The following KLF5 variants were observed in gnomAD, a reference collection of about 807,000 sequenced individuals.
KLF5 encodes the protein Krueppel-like factor 5.
Under a neutral mutation model 36.9 loss-of-function variants are expected in KLF5, and 9 were observed. That is an observed-to-expected ratio of 0.24 (90% CI 0.15 to 0.43). The LOEUF (loss-of-function observed/expected upper bound fraction) is 0.43, where lower values mean the gene tolerates loss of function less well. KLF5 is among the 20% of genes least tolerant of loss of function. The pLI is 1.00. For synonymous variants in KLF5, 246 were observed against 241.7 expected, an observed-to-expected ratio of 1.02 and a Z score of -0.17; for missense variants, 524 against 599.5, an observed-to-expected ratio of 0.87 and a Z score of 1.31.
Position 73,062,572 on chromosome 13 carries a change from C to T in KLF5, c.973C>T (p.Pro325Ser). Residue 325 changes from proline (P) to serine (S), a missense_variant, in exon 2 of 4, where the codon CCT (proline) becomes TCT (serine). Around this residue, in one of 4 missense-constraint regions of KLF5, gnomAD observed 454 missense variants for 458.1 expected, o/e 0.99. Coordinates refer to ENST00000377687, the MANE Select transcript of KLF5 (RefSeq NM_001730.5). ...AGAGATGCTCCAGAATTTAACCCCA[C>T]CTCCATCCTATGCTGCTACAATTGC... ...QAEMLQNLTP[P>S]PSYAATIASK... 1 of 1,614,250 alleles carries T rather than the reference C, an allele frequency of 6.2e-7. No homozygotes were observed.
intron 1 of KLF5, chr13:73,060,789 C>A (rs1474782669): frequency 6.6e-6 from 1 of 152,028 alleles, no homozygotes; most frequent in Admixed American, 6.6e-5. Flanking sequence ...TTCGAAATTT[C>A]CTTTTCAGTG....
chr13:73,064,803 A>G (rs988147711), intron 3 of KLF5, among the ~76,000 whole-genome samples: 1 of 152,148 alleles, frequency 6.6e-6, no homozygotes, highest in Non-Finnish European at 1.5e-5. Context: ...CGGCCTCCCA[A>G]AGTGCTGGGA....
chr13:73,065,752 G>A (rs1355469209), intron 3 of KLF5, among the ~76,000 whole-genome samples: 1 of 152,144 alleles, frequency 6.6e-6, no homozygotes, highest in Non-Finnish European at 1.5e-5. Flanking sequence ...TGAGAGATAG[G>A]AGGGAACACA....
intron 3 of KLF5, 28 bp downstream of exon 3, chr13:73,063,911 A>G (rs1416233949): frequency 1.4e-6 from 2 of 1,424,740 alleles, no homozygotes; most frequent in Admixed American, 1.7e-5. Flanking sequence ...TAATTCTGTG[A>G]GTTGTGTAAA....
intron 1 of KLF5, 109 bp from the exon 2 acceptor site, chr13:73,061,752 C>G: frequency 5.1e-6 from 5 of 988,872 alleles, no homozygotes; most frequent in South Asian, 1.5e-5. Context: ...GGAGTTTGCC[C>G]TAGTACCTTA....
rs1345046956 is a variant in KLF5 at position 73,059,128 on chromosome 13, T to C, written c.-200T>C. The stretch of plus-strand genomic sequence containing the variant: ...GGAGAAAGTGGCCGCCCGGAGGACG[T>C]TGGCGTTTACGTGTGGAAGAGCGGA... On this transcript the variant is annotated 5_prime_UTR_variant, in exon 1 of 4. Coordinates refer to ENST00000377687, the MANE Select transcript of KLF5 (RefSeq NM_001730.5). 9 of 427,956 alleles carry C rather than the reference T, an allele frequency of 2.1e-5. No individual in the cohort carries two copies. The Admixed American group carries it at 4.1e-4, about 19-fold the overall frequency. The allele number at this position is 427,956 out of a possible 1,614,324, so 26.5% of individuals were successfully genotyped here.
chr13:73,055,987 C>T (rs959337058), upstream of KLF5, among the ~76,000 whole-genome samples: 5 of 152,110 alleles, frequency 3.3e-5, no homozygotes, highest in Admixed American at 6.6e-5. Flanking sequence ...TTCCTTTTGC[C>T]GTGTCGTTGT....
At position 73,062,076 on chromosome 13, in the gene KLF5, A is replaced by G; in HGVS notation, c.477A>G (p.Thr159=). The change falls in exon 2 of 4, where the codon ACA becomes ACG. Residue 159 remains threonine, a synonymous_variant. Transcript: ENST00000377687. ...ACAAATCCCAGAGACCGTGCGTAACACACATCAAGACAGAACCTGTTGCCA... is the reference window on the plus strand; with the variant it reads ...ACAAATCCCAGAGACCGTGCGTAACGCACATCAAGACAGAACCTGTTGCCA... ...GLYKSQRPCV[T]HIKTEPVAIF... The G allele has an allele frequency of 6.2e-7, 1 of 1,614,122 alleles. No homozygotes were observed. Among genetic ancestry groups the G allele is most frequent in the Non-Finnish European group, 8.5e-7 (1 of 1,180,040 alleles).
chr13:73,073,038 A>G lies in KLF5; in HGVS notation c.1196-2670A>G, dbSNP rs182036668. ...GTTGATGTTGAAAGAGCTTAACTAAATATTTTAAATTGGTGGTATTGGAAA... is the reference window on the plus strand; with the variant it reads ...GTTGATGTTGAAAGAGCTTAACTAAGTATTTTAAATTGGTGGTATTGGAAA... On this transcript the variant is annotated intron_variant, in intron 3 of 3. Coordinates refer to ENST00000377687, the MANE Select transcript of KLF5 (RefSeq NM_001730.5). Among the ~76,000 whole-genome samples the G allele has an allele frequency of 2.2e-3, 338 of 152,350 alleles. 1 individual carries two copies. Among genetic ancestry groups the G allele is most frequent in the Admixed American group, 4.1e-3 (63 of 15,306 alleles).
intron 3 of KLF5, among the ~76,000 whole-genome samples, chr13:73,065,625 C>G (rs879752590): frequency 1.3e-5 from 2 of 152,062 alleles, no homozygotes; most frequent in Non-Finnish European, 2.9e-5. Flanking sequence ...TTTCAAAATA[C>G]AAATGACAAG....
At chr13:73,059,812 T>C in intron 1 of KLF5, 2 of 843,062 alleles carry the variant, frequency 2.4e-6, no homozygotes, top group Non-Finnish European at 2.9e-6. Context: ...TGGAGGGGAA[T>C]CTGCCCCGGC....
chr13:73,061,625 T>G lies in KLF5; in HGVS notation c.262-236T>G, dbSNP rs568039006. ...TTTATTCTTGATTTGCGTCTTTCAC[T>G]TTTGGGGGTGATTGGGGGAGCAGTT... On this transcript the variant is annotated intron_variant, in intron 1 of 3. Transcript: ENST00000377687. Among the ~76,000 whole-genome samples the G allele has an allele frequency of 7.2e-5, 11 of 152,334 alleles. No homozygotes were observed. In the South Asian group the frequency reaches 2.1e-3, roughly 29 times the overall value.
chr13:73,064,625 C>T (rs1003879418), intron 3 of KLF5, among the ~76,000 whole-genome samples: 1 of 152,138 alleles, frequency 6.6e-6, no homozygotes, highest in Non-Finnish European at 1.5e-5. Context: ...TTCACTGCAA[C>T]CTCTGCCTCC....
chr13:73,062,502 C>G lies in KLF5; in HGVS notation c.903C>G (p.Pro301=), dbSNP rs1400618683. 6.2e-7 allele frequency: 1 copy of G among 1,614,148 alleles called. No individual in the cohort carries two copies. Among genetic ancestry groups the G allele is most frequent in the South Asian group, 1.1e-5 (1 of 91,086 alleles). ...QFLPQQATYF[P]PSPPSSEPGS... ...TTCCACAACAGGCCACTTACTTTCC[C>G]CCGTCACCACCAAGCTCAGAGCCTG... The change falls in exon 2 of 4, where the codon CCC becomes CCG. Residue 301 remains proline (P), a synonymous_variant. Transcript: ENST00000377687.
chr13:73,062,192 C>A lies in KLF5; in HGVS notation c.593C>A (p.Thr198Asn). Residue 198 changes from threonine to asparagine, a missense_variant, in exon 2 of 4, where the codon ACC becomes AAC. Thr to Asn is a moderately conservative substitution (Grantham distance 65). This residue lies in a region of KLF5 where 454 missense variants were observed against 458.1 expected (regional missense o/e 0.99). Transcript: ENST00000377687. The stretch of plus-strand genomic sequence containing the variant: ...ACCAGTATATTCAGCTCACACCAGA[C>A]CGCAGCTCCAGAGGTGAACAATATT... ...EFTSIFSSHQ[T>N]AAPEVNNIFI... 1 of 1,614,148 alleles carries A rather than the reference C, an allele frequency of 6.2e-7. No individual in the cohort carries two copies. Among genetic ancestry groups the A allele is most frequent in the Non-Finnish European group, 8.5e-7 (1 of 1,180,010 alleles).
intron 3 of KLF5, among the ~76,000 whole-genome samples, chr13:73,071,840 C>T (rs554519034): frequency 1.4e-4 from 21 of 152,208 alleles, no homozygotes; most frequent in Admixed American, 7.2e-4. Flanking sequence ...TTTAGGTTCG[C>T]AGAACAAGAT....
chr13:73,061,353 T>G (rs1252941484), intron 1 of KLF5, among the ~76,000 whole-genome samples: 1 of 152,214 alleles, frequency 6.6e-6, no homozygotes, highest in East Asian at 1.9e-4. Context: ...TATATTACTT[T>G]TGAAGTATCT....
In KLF5 at chr13:73,059,032, G is replaced by A. The variant is rs1238447131; in HGVS notation, c.-296G>A. 2.1e-5 allele frequency: 6 copies of A among 282,190 alleles called. No individual in the cohort carries two copies. The highest frequency in any genetic ancestry group is 4.0e-5 in the Non-Finnish European group (6 of 151,080). 17.5% of individuals were successfully genotyped at this position (282,190 alleles called of 1,614,324 possible). On this transcript the variant is annotated 5_prime_UTR_variant, in exon 1 of 4. Coordinates refer to ENST00000377687, the MANE Select transcript of KLF5 (RefSeq NM_001730.5). ...TCGCGGGGCAGGTACGTGCGCTCGC[G>A]GTTCTCTCGCGGAGGTCGGCGGTGG...
At position 73,068,388 on chromosome 13, in the gene KLF5, A is replaced by G. The variant is rs564188982; in HGVS notation, c.1195+4505A>G. ...GAATATATTGACTTTCAGTTTGGGT[A>G]CTAAAAGATCCTTAGATATGAATTT... On this transcript the variant is annotated intron_variant, in intron 3 of 3. Transcript: ENST00000377687. Among the ~76,000 whole-genome samples, 9 of 152,300 alleles carry G rather than the reference A, an allele frequency of 5.9e-5. No individual in the cohort carries two copies. The South Asian group carries it at 1.9e-3, about 32-fold the overall frequency.
Sources: gnomAD v4.1 joint callset for allele counts (sites outside exome capture counted in the v4.1 genomes callset) on GRCh38, gnomAD v4.1.1 for gene constraint, gnomAD v4.1.1 regional missense constraint, MANE v1.5 for transcripts, NCBI Gene and HGNC (gene_info 2026-07-23, HGNC 2026-07-21) for gene names.